Variants in CADM1 observed in about 807,000 individuals in gnomAD.
CADM1 encodes the protein cell adhesion molecule 1.
CADM1 carries 15 observed loss-of-function variants against 53.1 expected under a neutral mutation model. The observed-to-expected ratio is 0.28, with a 90% CI of 0.19 to 0.44. The LOEUF is 0.44. CADM1 is among the 20% of genes least tolerant of loss of function. CADM1 has a pLI of 1.00. For missense variants in CADM1, 434 were observed against 611.3 expected (o/e 0.71, Z 3.06); for synonymous variants, 281 against 243.0 (o/e 1.16, Z -1.45).
intron 7 of CADM1, chr11:115,214,388 C>T (rs569871520): frequency 3.5e-6 from 2 of 573,776 alleles, no homozygotes; most frequent in Non-Finnish European, 6.2e-6. Flanking sequence ...TGACCAAAGA[C>T]TGTGATCTAG....
chr11:115,439,349 GTA>G (rs1159126250), intron 1 of CADM1, among the ~76,000 whole-genome samples: 2 of 152,114 alleles, frequency 1.3e-5, no homozygotes, highest in African/African-American at 4.8e-5. Context: ...GATGGTTTGG[GTA>G]TAGTCTTGAC....
intron 1 of CADM1, among the ~76,000 whole-genome samples, chr11:115,308,211 T>TATATATATATATACACAC (rs139012671): frequency 7.2e-6 from 1 of 139,384 alleles, no homozygotes; most frequent in Non-Finnish European, 1.5e-5. Context: ...TATATATATA[T>TATATATATATATACACAC]ACACACCTAT....
intron 5 of CADM1, among the ~76,000 whole-genome samples, chr11:115,224,099 G>A (rs1240990851): frequency 6.6e-6 from 1 of 151,960 alleles, no homozygotes; most frequent in East Asian, 1.9e-4. Context: ...ATTTGACATA[G>A]AAGCTGCTCT....
chr11:115,364,185 T>C (rs1303272280), intron 1 of CADM1, among the ~76,000 whole-genome samples: 1 of 152,190 alleles, frequency 6.6e-6, no homozygotes, highest in African/African-American at 2.4e-5. Flanking sequence ...ATATGTTCAT[T>C]CTTATTCTGT....
At chr11:115,256,718 A>G in intron 1 of CADM1, 2 of 426,358 alleles carry the variant, frequency 4.7e-6, no homozygotes, top group South Asian at 1.6e-5. Context: ...GGCCATTGCC[A>G]TGTTCTAGTT....
At chr11:115,365,557 AC>A (rs925305256) in intron 1 of CADM1, among the ~76,000 whole-genome samples, 6 of 152,124 alleles carry the variant, frequency 3.9e-5, no homozygotes, top group Admixed American at 3.9e-4. Flanking sequence ...AAATAAAAAA[AC>A]AAAAATATAT....
At chr11:115,408,051 G>T (rs1947363456) in intron 1 of CADM1, among the ~76,000 whole-genome samples, 1 of 151,822 alleles carries the variant, frequency 6.6e-6, no homozygotes, top group Admixed American at 6.6e-5. Flanking sequence ...TTGCCTGTAG[G>T]CTCAGAAACT....
intron 1 of CADM1, among the ~76,000 whole-genome samples, chr11:115,264,847 T>C: frequency 6.6e-6 from 1 of 152,156 alleles, no homozygotes; most frequent in East Asian, 1.9e-4. Flanking sequence ...CTTACTATCC[T>C]TCTTTCCACA....
At chr11:115,224,485 A>T (rs1251248762) in intron 5 of CADM1, among the ~76,000 whole-genome samples, 1 of 152,140 alleles carries the variant, frequency 6.6e-6, no homozygotes, top group Non-Finnish European at 1.5e-5. Flanking sequence ...TCTTCTTTTC[A>T]AAACTCATCT....
intron 1 of CADM1, among the ~76,000 whole-genome samples, chr11:115,455,418 G>T (rs74449686): frequency 0.34 from 51,513 of 151,320 alleles, 10,257 homozygotes; most frequent in East Asian, 0.68. Context: ...TATATATATA[G>T]AGAGAGAGAG....
intron 9 of CADM1, 144 bp downstream of exon 9, chr11:115,198,262 A>T: frequency 1.6e-6 from 1 of 627,692 alleles, no homozygotes; most frequent in Non-Finnish European, 2.7e-6. Context: ...ACATCTTTTC[A>T]AACCTTAAAA....
At chr11:115,264,316 G>A (rs1001744938) in intron 1 of CADM1, among the ~76,000 whole-genome samples, 10 of 152,150 alleles carry the variant, frequency 6.6e-5, no homozygotes, top group Non-Finnish European at 2.9e-5. Context: ...ATTTATAACA[G>A]ATTACCAAGC....
In CADM1 at chr11:115,174,453, TG is replaced by T; in HGVS notation, c.*2020del. On this transcript the variant is annotated 3_prime_UTR_variant, in exon 12 of 12. Coordinates refer to ENST00000331581, the MANE Select transcript of CADM1 (RefSeq NM_001301043.2). ...TTCATTGAAAAAGGGATGTTCATTG[TG>T]GCTTTTTGTCTTGGTTAAGTGCCTA... 1 of 985,802 alleles carries T rather than the reference TG, an allele frequency of 1.0e-6. No homozygotes were observed. Among genetic ancestry groups the T allele is most frequent in the Non-Finnish European group, 1.2e-6 (1 of 829,894 alleles). 61.1% of individuals were successfully genotyped at this position (985,802 alleles called of 1,614,324 possible). A position where few individuals can be genotyped will look rare whatever the true frequency, so the allele number is the denominator to read the frequency against.
At chr11:115,302,718 G>A (rs994675545) in intron 1 of CADM1, among the ~76,000 whole-genome samples, 3 of 152,066 alleles carry the variant, frequency 2.0e-5, no homozygotes, top group African/African-American at 7.2e-5. Context: ...TAGGTAACCA[G>A]GGTGACAAAA....
chr11:115,234,691 G>C (rs1941947646), intron 3 of CADM1, among the ~76,000 whole-genome samples: 1 of 152,002 alleles, frequency 6.6e-6, no homozygotes, highest in Non-Finnish European at 1.5e-5. Context: ...TCAGGAGTTT[G>C]AGACCAGCCT....
chr11:115,429,531 G>A (rs1947985694), intron 1 of CADM1, among the ~76,000 whole-genome samples: 1 of 151,500 alleles, frequency 6.6e-6, no homozygotes, highest in African/African-American at 2.4e-5. Context: ...CTTGAGTCTG[G>A]GAAGCCGAGG....
At chr11:115,377,654 A>G (rs941421591) in intron 1 of CADM1, 1 of 152,234 alleles carries the variant, frequency 6.6e-6, no homozygotes, top group Non-Finnish European at 1.5e-5. Context: ...ACCTAGGCCT[A>G]TCTTTAAGTT....
intron 1 of CADM1, among the ~76,000 whole-genome samples, chr11:115,379,710 T>C: frequency 6.6e-6 from 1 of 152,200 alleles, no homozygotes; most frequent in South Asian, 2.1e-4. Context: ...AGGAACTACG[T>C]GGTCATGCTT....
At position 115,176,344 on chromosome 11, in the gene CADM1, C is replaced by A; in HGVS notation, c.*130G>T. On this transcript the variant is annotated 3_prime_UTR_variant, in exon 12 of 12. Transcript: ENST00000331581. The stretch of plus-strand genomic sequence containing the variant: ...TTTTTTTTACACAGCAAATCCCAAG[C>A]CTTCCCAGTCTCACACCTTTCCACC... 3 of 1,582,026 alleles carry A rather than the reference C, an allele frequency of 1.9e-6. No individual in the cohort carries two copies. The Admixed American group carries it at 5.1e-5, about 27-fold the overall frequency.
Sources: gnomAD v4.1 joint callset for allele counts (sites outside exome capture counted in the v4.1 genomes callset) on GRCh38, gnomAD v4.1.1 for gene constraint, MANE v1.5 for transcripts, NCBI Gene and HGNC (gene_info 2026-07-23, HGNC 2026-07-21) for gene names.